DIS3L2: variants seen among roughly 807,000 people sequenced by gnomAD.
DIS3L2 encodes the protein DIS3-like exonuclease 2.
A neutral mutation model predicts 97.5 loss-of-function variants in DIS3L2; 34 were observed. That is an observed-to-expected ratio of 0.35 (90% CI 0.27 to 0.46). DIS3L2 has a LOEUF of 0.46. Ranked by LOEUF, DIS3L2 falls within the 20% of genes least tolerant of loss-of-function variation. The probability of loss-of-function intolerance (pLI) is 1.00; values close to 1 mark genes in which losing one functional copy is unlikely to be tolerated. For missense variants in DIS3L2, 1,038 were observed against 1,146.0 expected, an observed-to-expected ratio of 0.91 and a Z score of 1.36; for synonymous variants, 435 against 445.2, an observed-to-expected ratio of 0.98 and a Z score of 0.29.
intron 5 of DIS3L2, among the ~76,000 whole-genome samples, chr2:232,066,718 T>C (rs1363597640): frequency 2.0e-5 from 3 of 152,066 alleles, no homozygotes; most frequent in Non-Finnish European, 4.4e-5. Context: ...CTAGTGGGTT[T>C]TTAATTACAG....
intron 10 of DIS3L2, among the ~76,000 whole-genome samples, chr2:232,220,777 T>C (rs1692480262): frequency 6.6e-6 from 1 of 152,092 alleles, no homozygotes; most frequent in African/African-American, 2.4e-5. Context: ...AGATAGATCT[T>C]AATGCCATGT....
chr2:231,979,072 TG>T (rs1453738818), intron 1 of DIS3L2, among the ~76,000 whole-genome samples: 1 of 152,128 alleles, frequency 6.6e-6, no homozygotes, highest in African/African-American at 2.4e-5. Context: ...CAGAAGTTTT[TG>T]ATTTTTAAAA....
At chr2:232,315,226 G>A (rs372160542) in intron 14 of DIS3L2, among the ~76,000 whole-genome samples, 4 of 152,170 alleles carry the variant, frequency 2.6e-5, no homozygotes, top group South Asian at 2.1e-4. Context: ...CCCCCATACC[G>A]GTGTGCTGGC....
At chr2:232,132,182 T>C (rs1698237976) in intron 7 of DIS3L2, among the ~76,000 whole-genome samples, 2 of 152,152 alleles carry the variant, frequency 1.3e-5, no homozygotes, top group Admixed American at 1.3e-4. Flanking sequence ...CTATCTCCCT[T>C]TCTTTTGGAT....
At chr2:232,204,283 G>C (rs1480100849) in intron 9 of DIS3L2, among the ~76,000 whole-genome samples, 1 of 152,182 alleles carries the variant, frequency 6.6e-6, no homozygotes, top group African/African-American at 2.4e-5. Context: ...CAGGGTCAGA[G>C]GAAGAGTGTA....
intron 8 of DIS3L2, among the ~76,000 whole-genome samples, chr2:232,139,725 C>A (rs1231283460): frequency 6.6e-6 from 1 of 152,152 alleles, no homozygotes; most frequent in East Asian, 1.9e-4. Flanking sequence ...ACAGAGGCCT[C>A]TTTGCTAAAA....
At chr2:232,248,166 G>A (rs529324218) in intron 11 of DIS3L2, among the ~76,000 whole-genome samples, 29 of 152,314 alleles carry the variant, frequency 1.9e-4, no homozygotes, top group African/African-American at 6.7e-4. Flanking sequence ...GAAGCCGCTG[G>A]GGTTTGTTCT....
Position 232,229,455 on chromosome 2 carries a change from G to T in DIS3L2, c.1205-9078G>T, listed in dbSNP as rs371691956. 3.3e-5 allele frequency among the ~76,000 whole-genome samples: 5 copies of T among 152,190 alleles called. No individual in the cohort carries two copies. The South Asian group carries it at 1.0e-3, about 32-fold the overall frequency. ...CCCTGCTGCTCTCAGAGCTTCTCTG[G>T]AGCCTGTGCTCTGTCCCAGGCTTGA... is the stretch of plus-strand genomic sequence containing the variant. On this transcript the variant is annotated intron_variant, in intron 10 of 20. Coordinates refer to ENST00000325385, the MANE Select transcript of DIS3L2 (RefSeq NM_152383.5).
intron 5 of DIS3L2, among the ~76,000 whole-genome samples, chr2:232,082,815 C>T (rs2106301783): frequency 6.6e-6 from 1 of 152,294 alleles, no homozygotes; most frequent in Non-Finnish European, 1.5e-5. Flanking sequence ...TTCCACTGAT[C>T]TTCTGTATTA....
At chr2:232,038,522 A>G (rs779484755) in intron 5 of DIS3L2, among the ~76,000 whole-genome samples, 1 of 152,208 alleles carries the variant, frequency 6.6e-6, no homozygotes, top group Non-Finnish European at 1.5e-5. Context: ...AGCAAGGCCA[A>G]GTAACCTGGC....
At chr2:232,014,058 T>G (rs1574811517) in intron 1 of DIS3L2, among the ~76,000 whole-genome samples, 1 of 152,246 alleles carries the variant, frequency 6.6e-6, no homozygotes, top group Non-Finnish European at 1.5e-5. Context: ...ACTTGACTCC[T>G]GGGCTGGTGG....
chr2:232,194,580 A>G (rs1270108520), intron 9 of DIS3L2, among the ~76,000 whole-genome samples: 1 of 152,218 alleles, frequency 6.6e-6, no homozygotes, highest in Non-Finnish European at 1.5e-5. Context: ...TGAGAAGGAG[A>G]GTATAATGTA....
At chr2:232,332,877 G>T (rs1409016585) in intron 16 of DIS3L2, among the ~76,000 whole-genome samples, 1 of 152,132 alleles carries the variant, frequency 6.6e-6, no homozygotes, top group Non-Finnish European at 1.5e-5. Flanking sequence ...ACCAAAGGTG[G>T]GCCTAGGCTG....
chr2:232,181,714 C>G (rs1691278653), intron 9 of DIS3L2, among the ~76,000 whole-genome samples: 1 of 152,156 alleles, frequency 6.6e-6, no homozygotes. Context: ...TCTCAGCTCA[C>G]TGCAACCTCC....
chr2:232,091,239 G>C (rs1696829474), intron 6 of DIS3L2, among the ~76,000 whole-genome samples: 2 of 152,198 alleles, frequency 1.3e-5, no homozygotes, highest in African/African-American at 2.4e-5. Context: ...CTAGGAAATA[G>C]TAGGTCTTAT....
At chr2:231,982,330 G>A (rs1693286387) in intron 1 of DIS3L2, among the ~76,000 whole-genome samples, 1 of 152,106 alleles carries the variant, frequency 6.6e-6, no homozygotes, top group Non-Finnish European at 1.5e-5. Context: ...ATGGTAGCGG[G>A]TTTTTCATCT....
chr2:232,039,937 C>G (rs531792022), intron 5 of DIS3L2, among the ~76,000 whole-genome samples: 1 of 152,290 alleles, frequency 6.6e-6, no homozygotes, highest in Non-Finnish European at 1.5e-5. Context: ...TCTCATCTAC[C>G]ATTCATCCTG....
intron 5 of DIS3L2, among the ~76,000 whole-genome samples, chr2:232,080,150 G>A (rs3100583): frequency 0.55 from 83,657 of 151,980 alleles, 24,246 homozygotes; most frequent in East Asian, 0.69. Context: ...AAGGCCACTG[G>A]GCTCTTCTGA....
intron 1 of DIS3L2, among the ~76,000 whole-genome samples, chr2:231,998,953 A>G (rs929135924): frequency 6.6e-6 from 1 of 152,182 alleles, no homozygotes; most frequent in Admixed American, 6.5e-5. Flanking sequence ...AACTTTTGAC[A>G]TGTCCTCATC....
Sources: gnomAD v4.1 joint callset for allele counts (sites outside exome capture counted in the v4.1 genomes callset) on GRCh38, gnomAD v4.1.1 for gene constraint, MANE v1.5 for transcripts, NCBI Gene and HGNC (gene_info 2026-07-23, HGNC 2026-07-21) for gene names.